The following PLXND1 variants were observed in gnomAD, a reference collection of about 807,000 sequenced individuals.
The protein encoded by PLXND1 is plexin D1.
A neutral mutation model predicts 197.7 loss-of-function variants in PLXND1; 54 were observed. The ratio of observed to expected loss-of-function variants is 0.27; its 90% CI spans 0.22 to 0.34. The LOEUF is 0.34. PLXND1 is among the 10% of genes least tolerant of loss of function. The pLI is 1.00. For synonymous variants in PLXND1, 1,180 were observed against 1,161.2 expected (o/e 1.02, Z -0.33); for missense variants, 2,127 against 2,699.2 (o/e 0.79, Z 4.70).
intron 25 of PLXND1, among the ~76,000 whole-genome samples, chr3:129,565,006 G>A (rs1245095231): frequency 6.6e-6 from 1 of 152,250 alleles, no homozygotes; most frequent in Admixed American, 6.5e-5. Context: ...AGAGCCTCAA[G>A]GGCCAGCCAG....
At chr3:129,571,870 AG>A in intron 15 of PLXND1, 26 bp from the exon 16 acceptor site, 2 of 1,575,712 alleles carry the variant, frequency 1.3e-6, no homozygotes, top group Non-Finnish European at 1.7e-6. Flanking sequence ...GGTTATCAGC[AG>A]GGCCTGCCTT....
At chr3:129,576,309 T>G (rs2085313807) in intron 9 of PLXND1, among the ~76,000 whole-genome samples, 1 of 152,154 alleles carries the variant, frequency 6.6e-6, no homozygotes, top group East Asian at 1.9e-4. Flanking sequence ...TGAACACCTG[T>G]CTTCCTTTCT....
intron 13 of PLXND1, among the ~76,000 whole-genome samples, chr3:129,573,300 G>T (rs2085264675): frequency 6.6e-6 from 1 of 151,952 alleles, no homozygotes. Context: ...AATTGCAAAT[G>T]ATTTTCCTCA....
At chr3:129,562,703 G>A in intron 27 of PLXND1, 84 bp downstream of exon 27, 2 of 1,306,768 alleles carry the variant, frequency 1.5e-6, no homozygotes, top group Middle Eastern at 2.7e-4. Flanking sequence ...CCCATGCCAG[G>A]TGAAAGGAGT....
intron 22 of PLXND1, 135 bp from the exon 23 acceptor site, chr3:129,566,766 C>T: frequency 1.7e-6 from 1 of 597,026 alleles, no homozygotes; most frequent in Non-Finnish European, 3.0e-6. Flanking sequence ...CCATAAAGGA[C>T]TAAGAGGCAG....
chr3:129,566,810 G>A (rs945166156), intron 22 of PLXND1, among the ~76,000 whole-genome samples, 179 bp from the exon 23 acceptor site: 2 of 152,220 alleles, frequency 1.3e-5, no homozygotes, highest in Admixed American at 6.5e-5. Context: ...AATTCCAGGG[G>A]TGTGGCCACA....
At chr3:129,601,973 T>G (rs1393059301) in intron 1 of PLXND1, among the ~76,000 whole-genome samples, 1 of 152,198 alleles carries the variant, frequency 6.6e-6, no homozygotes, top group African/African-American at 2.4e-5. Context: ...AGTGAAGGAA[T>G]CTATTCCCGG....
At chr3:129,589,553 C>A in intron 1 of PLXND1, 26 bp from the exon 2 acceptor site, 1 of 1,534,576 alleles carries the variant, frequency 6.5e-7, no homozygotes, top group Non-Finnish European at 8.8e-7. Flanking sequence ...CACGTCAGAT[C>A]CCAGCTCCAG....
chr3:129,561,576 A>G, intron 29 of PLXND1, 70 bp downstream of exon 29: 1 of 1,196,306 alleles, frequency 8.4e-7, no homozygotes, highest in Non-Finnish European at 1.2e-6. Context: ...CAGCTTCCCC[A>G]CTGGGGCATG....
chr3:129,565,203 C>T, intron 25 of PLXND1, 137 bp downstream of exon 25: 1 of 710,848 alleles, frequency 1.4e-6, no homozygotes, highest in African/African-American at 1.7e-5. Flanking sequence ...ACGGGCCTGG[C>T]CTGTCTCATG....
chr3:129,593,931 C>A (rs2085583147), intron 1 of PLXND1, among the ~76,000 whole-genome samples: 1 of 152,196 alleles, frequency 6.6e-6, no homozygotes, highest in Non-Finnish European at 1.5e-5. Context: ...TCAGCTCTGC[C>A]CACTCTCCCA....
chr3:129,563,471 G>A (rs944955917), intron 25 of PLXND1, among the ~76,000 whole-genome samples: 5 of 152,338 alleles, frequency 3.3e-5, no homozygotes, highest in South Asian at 2.1e-4. Context: ...CAACCCTTCC[G>A]GATACGGAGT....
rs566586032 is a variant in PLXND1, at chr3:129,557,065, G to C, written c.5586+18C>G. 6.3e-7 allele frequency: 1 copy of C among 1,589,274 alleles called. No homozygotes were observed. The highest frequency in any genetic ancestry group is 1.1e-5 in the South Asian group (1 of 90,624). On this transcript the variant is annotated intron_variant, in intron 34 of 35. Transcript: ENST00000324093. This position sits in a 1 kb window ranked among gnomAD's most constrained non-coding sequence, Gnocchi z 4.8. ...TCAGCTCTTCAGGCCCCCATCCCCC[G>C]CCGCCGAGCCACCGCACCCTCGACT... is the stretch of plus-strand genomic sequence containing the variant.
chr3:129,570,696 GA>G, intron 19 of PLXND1, 89 bp downstream of exon 19: 1 of 1,307,326 alleles, frequency 7.6e-7, no homozygotes, highest in East Asian at 2.3e-5. Context: ...AACGCTCAGT[GA>G]ATTCAGGTGC....
At chr3:129,575,423 C>T (rs2085297592) in intron 11 of PLXND1, 46 bp downstream of exon 11, 3 of 1,203,696 alleles carry the variant, frequency 2.5e-6, no homozygotes, top group East Asian at 2.5e-5. Context: ...GCCCCACCCA[C>T]TGCACTGAGG....
In PLXND1 at chr3:129,560,391, C is replaced by T. The variant is rs201100072; in HGVS notation, c.5072G>A (p.Arg1691Gln). 29 of 1,613,936 alleles carry T rather than the reference C, an allele frequency of 1.8e-5. 1 individual carries two copies. The highest frequency in any genetic ancestry group is 3.3e-5 in the South Asian group (3 of 91,082). ...DELAEPKKSH[R>Q]QSHRKKVLPE... ...GAGCACCTTCTTGCGATGGCTCTGCCGGTGAGACTTCTTGGGCTCCGCCAG... is the reference window on the plus strand; with the variant it reads ...GAGCACCTTCTTGCGATGGCTCTGCTGGTGAGACTTCTTGGGCTCCGCCAG... Residue 1691 changes from arginine to glutamine, a missense_variant, in exon 31 of 36, where the codon CGG becomes CAG. By Grantham distance (43) the Arg-to-Gln change is conservative. This residue lies in a region of PLXND1 where 53 missense variants were observed against 41.4 expected (regional missense o/e 1.28). Coordinates refer to ENST00000324093, the MANE Select transcript of PLXND1 (RefSeq NM_015103.3).
chr3:129,558,661 G>A lies in PLXND1; in HGVS notation c.5298-86C>T. The stretch of plus-strand genomic sequence containing the variant: ...AGTTGTGGAGGAGAGAGCTGGCTTT[G>A]TCCCTCAAGGGCCTGAGGTTGGAGC... On this transcript the variant is annotated intron_variant, in intron 32 of 35. Transcript: ENST00000324093. This position sits in a 1 kb window ranked among gnomAD's most constrained non-coding sequence, Gnocchi z 4.1. The A allele has an allele frequency of 3.0e-6, 4 of 1,328,466 alleles. No homozygotes were observed. The highest frequency in any genetic ancestry group is 4.2e-6 in the Non-Finnish European group (4 of 943,868). 82.3% of individuals were successfully genotyped at this position (1,328,466 alleles called of 1,614,324 possible).
intron 1 of PLXND1, 64 bp downstream of exon 1, chr3:129,605,264 CG>C: frequency 1.7e-4 from 79 of 478,104 alleles, no homozygotes; most frequent in Non-Finnish European, 2.2e-4. Flanking sequence ...GCTCGGTTCC[CG>C]CCCGCCCCCG....
intron 7 of PLXND1, 55 bp from the exon 8 acceptor site, chr3:129,583,724 T>C: frequency 8.3e-7 from 1 of 1,203,832 alleles, no homozygotes; most frequent in South Asian, 1.3e-5. Flanking sequence ...AACTCATCCC[T>C]GTCCCAGGAA....
Sources: gnomAD v4.1 joint callset for allele counts (sites outside exome capture counted in the v4.1 genomes callset) on GRCh38, gnomAD v4.1.1 for gene constraint, gnomAD v4.1.1 regional missense constraint, Gnocchi (gnomAD v3.1) non-coding constraint, MANE v1.5 for transcripts, NCBI Gene and HGNC (gene_info 2026-07-23, HGNC 2026-07-21) for gene names.